The following ZNF362 variants were observed in gnomAD, a reference collection of about 807,000 sequenced individuals.
ZNF362 encodes the protein zinc finger protein 362, also known as rotund homolog.
ZNF362 carries 11 observed loss-of-function variants against 42.9 expected under a neutral mutation model. That is an observed-to-expected ratio of 0.26 (90% CI 0.16 to 0.42). The LOEUF is 0.42. Among genes scored for constraint, ZNF362 ranks in the 20% least tolerant of loss-of-function variants. ZNF362 has a pLI of 1.00. For synonymous variants in ZNF362, 255 were observed against 257.3 expected (o/e 0.99, Z 0.09); for missense variants, 362 against 576.2 (o/e 0.63, Z 3.81).
At chr1:33,257,690 A>C (rs1281914956) in intron 1 of ZNF362, among the ~76,000 whole-genome samples, 1 of 152,134 alleles carries the variant, frequency 6.6e-6, no homozygotes, top group East Asian at 1.9e-4. Flanking sequence ...GAGGGCCGGC[A>C]AGAGGGGCTC....
chr1:33,181,022 C>A, the ZNF362 span: 1 of 1,457,210 alleles, frequency 6.9e-7, no homozygotes, highest in South Asian at 1.1e-5. The surrounding 1 kb of genome is among the most constrained non-coding windows in gnomAD (Gnocchi z 6.5). Context: ...CCGGGTAGCG[C>A]ACCTGCAGCT....
At chr1:33,195,188 A>G in the ZNF362 span, 1 of 152,244 alleles carries the variant, frequency 6.6e-6, no homozygotes, top group African/African-American at 2.4e-5. Context: ...GTTAACCAGC[A>G]TTTAAGGATG....
chr1:33,257,898 G>A (rs1455132661), intron 1 of ZNF362, among the ~76,000 whole-genome samples: 1 of 152,140 alleles, frequency 6.6e-6, no homozygotes, highest in East Asian at 1.9e-4. Context: ...TGGACCCTGA[G>A]GCAAGTGAGC....
At chr1:33,208,247 C>T in the ZNF362 span, among the ~76,000 whole-genome samples, 14 of 151,364 alleles carry the variant, frequency 9.2e-5, no homozygotes, top group Non-Finnish European at 1.8e-4. Flanking sequence ...TGGTTGTAGA[C>T]GTGTTATTTC....
the ZNF362 span, among the ~76,000 whole-genome samples, chr1:33,249,495 A>T: frequency 6.6e-6 from 1 of 152,206 alleles, no homozygotes; most frequent in Non-Finnish European, 1.5e-5. Context: ...TCTCTGCTTA[A>T]CAGGGCCAAA....
At chr1:33,235,116 C>CA in the ZNF362 span, among the ~76,000 whole-genome samples, 1 of 152,126 alleles carries the variant, frequency 6.6e-6, no homozygotes, top group African/African-American at 2.4e-5. Context: ...TCTGTCTGTA[C>CA]CTTAGGACAC....
chr1:33,201,195 T>C, the ZNF362 span, among the ~76,000 whole-genome samples: 2 of 152,148 alleles, frequency 1.3e-5, no homozygotes, highest in South Asian at 2.1e-4. Flanking sequence ...ACAATGATAG[T>C]AGGAGATTCC....
chr1:33,288,277 G>T (rs1458856764), intron 6 of ZNF362, among the ~76,000 whole-genome samples: 2 of 152,186 alleles, frequency 1.3e-5, no homozygotes, highest in African/African-American at 4.8e-5. Flanking sequence ...AAAGAAGGAA[G>T]GGCTGGGGCA....
chr1:33,190,203 A>G, the ZNF362 span, among the ~76,000 whole-genome samples: 1 of 152,078 alleles, frequency 6.6e-6, no homozygotes, highest in East Asian at 1.9e-4. Flanking sequence ...TTTTTATTAT[A>G]TTGGGCAGCA....
the ZNF362 span, chr1:33,145,349 G>C: frequency 6.4e-6 from 1 of 155,686 alleles, no homozygotes; most frequent in Non-Finnish European, 1.4e-5. Flanking sequence ...TGCACTGCCT[G>C]GGACAGAGCT....
At chr1:33,259,652 A>G (rs1294146309) in intron 1 of ZNF362, among the ~76,000 whole-genome samples, 2 of 152,246 alleles carry the variant, frequency 1.3e-5, no homozygotes, top group African/African-American at 4.8e-5. Flanking sequence ...TAGCTCACCC[A>G]GCCCACACTG....
At chr1:33,212,873 ACG>A in the ZNF362 span, among the ~76,000 whole-genome samples, 1 of 152,212 alleles carries the variant, frequency 6.6e-6, no homozygotes, top group East Asian at 1.9e-4. Flanking sequence ...ATGAAAGCGT[ACG>A]TGCATGCAAA....
chr1:33,276,810 C>G lies in ZNF362; in HGVS notation c.349+216C>G, dbSNP rs545177175. On this transcript the variant is annotated intron_variant, in intron 4 of 8. Coordinates refer to ENST00000539719, the MANE Select transcript of ZNF362 (RefSeq NM_152493.3). The stretch of plus-strand genomic sequence containing the variant: ...AGTACTGGAAGGACCCTTCTCCCCC[C>G]AGTGGACACGACAGGAGCCGGTCAC... 1.3e-4 allele frequency among the ~76,000 whole-genome samples: 20 copies of G among 152,364 alleles called. No homozygotes were observed. In the East Asian group the frequency reaches 2.1e-3, roughly 16 times the overall value.
the ZNF362 span, among the ~76,000 whole-genome samples, chr1:33,161,888 G>A: frequency 2.6e-5 from 4 of 151,966 alleles, no homozygotes; most frequent in Non-Finnish European, 4.4e-5. The surrounding 1 kb of genome is among the most constrained non-coding windows in gnomAD (Gnocchi z 4.3). Context: ...CATGTTCCTC[G>A]GGGCTCATCC....
chr1:33,147,792 C>T, the ZNF362 span: 2 of 1,543,252 alleles, frequency 1.3e-6, no homozygotes, highest in East Asian at 4.5e-5. The surrounding 1 kb of genome is among the most constrained non-coding windows in gnomAD (Gnocchi z 8.1). Flanking sequence ...CCATGCAGTG[C>T]CTTCCTGAGG....
At chr1:33,140,272 AC>A in the ZNF362 span, among the ~76,000 whole-genome samples, 1 of 152,120 alleles carries the variant, frequency 6.6e-6, no homozygotes, top group Non-Finnish European at 1.5e-5. The surrounding 1 kb of genome is among the most constrained non-coding windows in gnomAD (Gnocchi z 4.0). Flanking sequence ...GCTGGGGTTT[AC>A]CCAGGTCTCG....
intron 1 of ZNF362, among the ~76,000 whole-genome samples, chr1:33,265,715 T>G (rs543715694): frequency 1.3e-5 from 2 of 152,192 alleles, no homozygotes; most frequent in East Asian, 3.9e-4. Flanking sequence ...GACCATCTGC[T>G]TATCCTCTCC....
chr1:33,187,059 A>G, the ZNF362 span, among the ~76,000 whole-genome samples: 1 of 152,084 alleles, frequency 6.6e-6, no homozygotes, highest in Non-Finnish European at 1.5e-5. Context: ...TTTATCCTGC[A>G]GGGAAACTCT....
At chr1:33,185,059 G>A in the ZNF362 span, among the ~76,000 whole-genome samples, 4 of 152,114 alleles carry the variant, frequency 2.6e-5, no homozygotes, top group African/African-American at 9.7e-5. Context: ...GGGAATACAG[G>A]CATGAGCCAC....
Sources: allele counts gnomAD v4.1 joint callset (sites outside exome capture counted in the v4.1 genomes callset), GRCh38; gene constraint gnomAD v4.1.1; non-coding constraint Gnocchi (gnomAD v3.1); transcripts MANE v1.5; gene names NCBI Gene and HGNC (gene_info 2026-07-23, HGNC 2026-07-21).